The following PLEC variants were observed in gnomAD, a reference collection of about 807,000 sequenced individuals.
PLEC encodes hemidesmosomal protein 1.
A neutral mutation model predicts 392.8 loss-of-function variants in PLEC; 216 were observed. That is an observed-to-expected ratio of 0.55 (90% CI 0.49 to 0.62). PLEC has a LOEUF of 0.62. Ranked by LOEUF, PLEC falls within the 20% of genes least tolerant of loss-of-function variation. The pLI, the probability that PLEC is intolerant of heterozygous loss-of-function variation, is 0.00. For missense variants in PLEC, 6,863 were observed against 6,563.4 expected, an observed-to-expected ratio of 1.05 and a Z score of -1.58; for synonymous variants, 3,621 against 2,980.6, an observed-to-expected ratio of 1.21 and a Z score of -7.00.
chr8:143,919,261 G>C lies in PLEC; in HGVS notation c.10560C>G (p.Asn3520Lys), dbSNP rs782578468. 3 of 1,614,056 alleles carry C rather than the reference G, an allele frequency of 1.9e-6. No homozygotes were observed. Among genetic ancestry groups the C allele is most frequent in the Non-Finnish European group, 2.5e-6 (3 of 1,180,048 alleles). The change falls in exon 32 of 32, where the codon AAC becomes AAG. Residue 3520 changes from asparagine (N) to lysine (K), a missense_variant. Coordinates refer to ENST00000345136, the MANE Select transcript of PLEC (RefSeq NM_201384.3). The stretch of plus-strand genomic sequence containing the variant: ...GCTCCAGCAGCTGCCTGTACGTGAG[G>C]TTCTCATGCGTGTTGGGGTCAAAGA... Reference protein sequence around the residue: ...KGFFDPNTHENLTYRQLLERC... With the variant: ...KGFFDPNTHEKLTYRQLLERC...
chr8:143,934,121 G>A (rs531197745), intron 11 of PLEC, 30 bp from the exon 12 acceptor site: 68 of 1,605,496 alleles, frequency 4.2e-5, no homozygotes, highest in African/African-American at 3.2e-4. Flanking sequence ...AAGGGGCCGC[G>A]TTGGCCGGGT....
At chr8:143,964,928 C>G (rs1268359503) in intron 1 of PLEC, among the ~76,000 whole-genome samples, 2 of 152,130 alleles carry the variant, frequency 1.3e-5, no homozygotes, top group Admixed American at 1.3e-4. Flanking sequence ...TTTACTGCAG[C>G]TACCTCCTTC....
intron 1 of PLEC, among the ~76,000 whole-genome samples, chr8:143,965,623 T>A (rs1344822826): frequency 6.6e-6 from 1 of 152,176 alleles, no homozygotes; most frequent in African/African-American, 2.4e-5. Flanking sequence ...CAGTCCCTTC[T>A]TGAGGTACCT....
rs1554668641 is a variant in PLEC, at chr8:143,916,320, A to G, written c.13501T>C (p.Ser4501Pro). 1 of 1,588,592 alleles carries G rather than the reference A, an allele frequency of 6.3e-7. No individual in the cohort carries two copies. Among genetic ancestry groups the G allele is most frequent in the Non-Finnish European group, 8.5e-7 (1 of 1,170,190 alleles). The change falls in exon 32 of 32, where the codon TCC (serine) becomes CCC (proline). Residue 4501 changes from serine (S) to proline (P), a missense_variant. By Grantham distance (74) the Ser-to-Pro change is moderately conservative (BLOSUM62 -1). Transcript: ENST00000345136. ...TGSRTGSRAG[S>P]RRGSFDATGS... Reference sequence around the variant, plus strand: ...GTGGCGTCAAAGCTGCCGCGGCGGGAGCCGGCCCGGGAGCCGGTGCGCGAG... The same window carrying G: ...GTGGCGTCAAAGCTGCCGCGGCGGGGGCCGGCCCGGGAGCCGGTGCGCGAG...
Position 143,932,567 on chromosome 8 carries a change from G to T in PLEC, c.1816-6C>A, listed in dbSNP as rs1554717427. The T allele has an allele frequency of 6.2e-7, 1 of 1,612,466 alleles. No homozygotes were observed. Among genetic ancestry groups the T allele is most frequent in the Non-Finnish European group, 8.5e-7 (1 of 1,179,916 alleles). On this transcript the variant is annotated splice_polypyrimidine_tract_variant and splice_region_variant and intron_variant, in intron 15 of 31. Coordinates refer to ENST00000345136, the MANE Select transcript of PLEC (RefSeq NM_201384.3). Reference sequence around the variant, plus strand: ...AGGCGGGCCTTGGAGGAGTTCTGTGGGCAGGAGGGTGCGTGTCAGCAGGCC... The same window carrying T: ...AGGCGGGCCTTGGAGGAGTTCTGTGTGCAGGAGGGTGCGTGTCAGCAGGCC...
Position 143,919,324 on chromosome 8 carries a change from G to A in PLEC, c.10497C>T (p.Asn3499=), listed in dbSNP as rs113113366. 492 of 1,613,964 alleles carry A rather than the reference G, an allele frequency of 3.0e-4. 3 individuals carry two copies. In the African/African-American group the frequency reaches 5.2e-3, roughly 17 times the overall value. ...YQRGYFSEEM[N]RVLADPSDDT... is the part of the protein sequence containing the mutation. ...CGTCGCTGGGGTCCGCCAGGACGCG[G>A]TTCATCTCCTCACTGAAGTAGCCGC... The change falls in exon 32 of 32, where the codon AAC becomes AAT. Residue 3499 remains asparagine (N), a synonymous_variant. Coordinates refer to ENST00000345136, the MANE Select transcript of PLEC (RefSeq NM_201384.3).
At position 143,925,771 on chromosome 8, in the gene PLEC, C is replaced by T. The variant is rs1346447914; in HGVS notation, c.4158G>A (p.Ala1386=). 4.7e-5 allele frequency: 74 copies of T among 1,589,976 alleles called. No homozygotes were observed. The highest frequency in any genetic ancestry group is 1.0e-4 in the Admixed American group (6 of 59,260). Reference sequence around the variant, plus strand: ...GCTGCAGCTCCTTCGCCTCCCGCTCCGCCTGTGCCTTTGCCTGGGCGTGCG... The same window carrying T: ...GCTGCAGCTCCTTCGCCTCCCGCTCTGCCTGTGCCTTTGCCTGGGCGTGCG... ...AEAHAQAKAQ[A]EREAKELQQR... Residue 1386 remains alanine, a synonymous_variant, in exon 31 of 32, where the codon GCG becomes GCA. Coordinates refer to ENST00000345136, the MANE Select transcript of PLEC (RefSeq NM_201384.3).
chr8:143,936,056 C>T (rs782448380), intron 5 of PLEC, 42 bp from the exon 6 acceptor site: 42 of 1,604,520 alleles, frequency 2.6e-5, no homozygotes, highest in Non-Finnish European at 3.5e-5. Context: ...GCCACAGCCA[C>T]CAGGCCTGCT....
upstream of PLEC, among the ~76,000 whole-genome samples, chr8:143,944,116 T>C (rs1831049104): frequency 6.9e-6 from 1 of 145,094 alleles, no homozygotes; most frequent in African/African-American, 2.6e-5. Context: ...CTCCCCACCC[T>C]CGCTCCCCAC....
In PLEC at chr8:143,923,498, T is replaced by A. The variant is rs782357507; in HGVS notation, c.6431A>T (p.Gln2144Leu). Reference protein sequence around the residue: ...AAEKLRKEAEQEAARRAQAEQ... With the variant: ...AAEKLRKEAELEAARRAQAEQ... Reference sequence around the variant, plus strand: ...CGCCTGTGCCCGCCGCGCCGCCTCTTGCTCGGCCTCCTTGCGCAGCTTCTC... The same window carrying A: ...CGCCTGTGCCCGCCGCGCCGCCTCTAGCTCGGCCTCCTTGCGCAGCTTCTC... Residue 2144 changes from glutamine to leucine, a missense_variant, in exon 31 of 32, where the codon CAA (glutamine) becomes CTA (leucine). Physicochemically the swap from Gln to Leu is moderately radical, Grantham distance 113. Coordinates refer to ENST00000345136, the MANE Select transcript of PLEC (RefSeq NM_201384.3). 1 of 1,598,236 alleles carries A rather than the reference T, an allele frequency of 6.3e-7. No individual in the cohort carries two copies. Among genetic ancestry groups the A allele is most frequent in the African/African-American group, 1.3e-5 (1 of 74,308 alleles).
At chr8:143,958,459 T>G (rs1230624493), upstream of PLEC, 2 of 314,764 alleles carry the variant, frequency 6.4e-6, no homozygotes, top group Non-Finnish European at 1.3e-5. The surrounding 1 kb of genome is among the most constrained non-coding windows in gnomAD (Gnocchi z 4.9). Flanking sequence ...CCCACCCACA[T>G]GACCATCCAT....
intron 10 of PLEC, 31 bp from the exon 11 acceptor site, chr8:143,934,476 AGGCAGGG>A (rs781785695): frequency 3.7e-6 from 6 of 1,609,280 alleles, no homozygotes; most frequent in East Asian, 4.5e-5. Context: ...CAGGCCCTAT[AGGCAGGG>A]GGCAGGGGGT....
At chr8:143,965,560 G>A (rs556471691) in intron 1 of PLEC, among the ~76,000 whole-genome samples, 22 of 152,274 alleles carry the variant, frequency 1.4e-4, no homozygotes, top group Non-Finnish European at 2.8e-4. Context: ...TGACCCCAGC[G>A]GTGGGAGATC....
At chr8:143,934,278 C>G in intron 11 of PLEC, 40 bp downstream of exon 11, 1 of 1,609,694 alleles carries the variant, frequency 6.2e-7, no homozygotes, top group Non-Finnish European at 8.5e-7. Context: ...CAGTGACACA[C>G]CCTCGGGTGG....
chr8:143,931,915 C>G (rs782803806), intron 18 of PLEC, 22 bp downstream of exon 18: 2 of 1,586,162 alleles, frequency 1.3e-6, no homozygotes, highest in Non-Finnish European at 1.7e-6. Flanking sequence ...AGCCACAGTG[C>G]GGAGGGGGCT....
In PLEC at chr8:143,925,944, G is replaced by A; in HGVS notation, c.4045-60C>T. The stretch of plus-strand genomic sequence containing the variant: ...GAGAGTGTGAACACGGGCAGGCGCT[G>A]ACGGGGCACGCACCGGCACAGTTCA... On this transcript the variant is annotated intron_variant, in intron 30 of 31. Transcript: ENST00000345136. The A allele has an allele frequency of 2.0e-6, 3 of 1,490,902 alleles. No individual in the cohort carries two copies. In the South Asian group the frequency reaches 3.6e-5, roughly 18 times the overall value. 92.4% of individuals were successfully genotyped at this position (1,490,902 alleles called of 1,614,324 possible). A position where few individuals can be genotyped will look rare whatever the true frequency, so the allele number is the denominator to read the frequency against.
upstream of PLEC, among the ~76,000 whole-genome samples, chr8:143,952,523 G>A (rs1254908318): frequency 2.6e-5 from 4 of 152,148 alleles, no homozygotes; most frequent in African/African-American, 9.7e-5. Flanking sequence ...TGTGCCCAAA[G>A]AAGGCCCTAC....
chr8:143,942,954 G>T (rs981941034), upstream of PLEC, among the ~76,000 whole-genome samples: 6 of 152,180 alleles, frequency 3.9e-5, no homozygotes, highest in African/African-American at 1.4e-4. Flanking sequence ...CGTGGCCGAA[G>T]GGGGCAATTG....
In PLEC at chr8:143,925,404, G is replaced by T; in HGVS notation, c.4525C>A (p.Arg1509Ser). 2.5e-6 allele frequency: 4 copies of T among 1,590,032 alleles called. No individual in the cohort carries two copies. Among genetic ancestry groups the T allele is most frequent in the Middle Eastern group, 1.7e-4 (1 of 5,858 alleles). Reference sequence around the variant, plus strand: ...AGCTCCACCTCCGCCTGCCGCTTACGCTGGCTCTCGTCCTGCACCTGCCTC... The same window carrying T: ...AGCTCCACCTCCGCCTGCCGCTTACTCTGGCTCTCGTCCTGCACCTGCCTC... ...LRRQVQDESQ[R>S]KRQAEVELAS... Residue 1509 changes from arginine to serine, a missense_variant, in exon 31 of 32, where the codon CGT becomes AGT. Transcript: ENST00000345136.
Sources: allele counts gnomAD v4.1 joint callset (sites outside exome capture counted in the v4.1 genomes callset), GRCh38; gene constraint gnomAD v4.1.1; non-coding constraint Gnocchi (gnomAD v3.1); transcripts MANE v1.5; gene names NCBI Gene and HGNC (gene_info 2026-07-23, HGNC 2026-07-21).